Variants in RSRC1 observed in about 807,000 individuals in gnomAD.
RSRC1 encodes serine/Arginine-related protein 53.
A neutral mutation model predicts 49.1 loss-of-function variants in RSRC1; 39 were observed. The ratio of observed to expected loss-of-function variants is 0.79; its 90% confidence interval spans 0.61 to 1.04. RSRC1 has a LOEUF of 1.04. RSRC1 is among the 50% of genes least tolerant of loss of function. The pLI, the probability that RSRC1 is intolerant of heterozygous loss-of-function variation, is 0.00. For synonymous variants in RSRC1, 143 were observed against 130.8 expected (o/e 1.09, Z -0.63); for missense variants, 388 against 402.4 (o/e 0.96, Z 0.31).
chr3:158,163,165 G>C (rs1257150044), intron 3 of RSRC1, among the ~76,000 whole-genome samples: 1 of 152,028 alleles, frequency 6.6e-6, no homozygotes, highest in Non-Finnish European at 1.5e-5. Context: ...AGCATAGCTG[G>C]CTAATTTTTA....
intron 7 of RSRC1, among the ~76,000 whole-genome samples, chr3:158,503,658 C>T (rs1015008350): frequency 6.6e-6 from 1 of 152,002 alleles, no homozygotes; most frequent in Non-Finnish European, 1.5e-5. Context: ...CAGGTTGTTA[C>T]GGAAGTAGGG....
intron 7 of RSRC1, among the ~76,000 whole-genome samples, chr3:158,470,955 G>A (rs186709302): frequency 7.9e-4 from 120 of 152,280 alleles, no homozygotes; most frequent in Middle Eastern, 3.4e-3. Flanking sequence ...AGAAACTCAC[G>A]CAACAAGAAT....
intron 4 of RSRC1, among the ~76,000 whole-genome samples, chr3:158,229,645 ACT>A (rs1368767163): frequency 6.6e-6 from 1 of 151,292 alleles, no homozygotes; most frequent in African/African-American, 2.4e-5. Context: ...TATTTTTGAA[ACT>A]CTTTATTTGA....
chr3:158,526,074 G>C (rs1287662169), intron 7 of RSRC1, among the ~76,000 whole-genome samples: 2 of 151,948 alleles, frequency 1.3e-5, no homozygotes, highest in African/African-American at 4.8e-5. Flanking sequence ...GCAATTTGAA[G>C]TATTTGGTGG....
rs574054041 is a variant in RSRC1 at position 158,472,864 on chromosome 3, A to G, written c.652+11861A>G. ...TAGTTTAATTAGATCCCATTTGTCA[A>G]TTTTGGTTTTTGTTACCATTGCTTT... is the stretch of plus-strand genomic sequence containing the variant. On this transcript the variant is annotated intron_variant, in intron 7 of 9. Transcript: ENST00000611884. Among the ~76,000 whole-genome samples the G allele has an allele frequency of 3.3e-5, 5 of 152,234 alleles. No homozygotes were observed. The South Asian group carries it at 1.0e-3, about 32-fold the overall frequency.
intron 4 of RSRC1, among the ~76,000 whole-genome samples, chr3:158,227,715 C>T (rs569684776): frequency 2.0e-5 from 3 of 152,048 alleles, no homozygotes; most frequent in African/African-American, 7.2e-5. Flanking sequence ...TTTTCTAGAC[C>T]AGGGATCAGA....
chr3:158,231,828 T>A (rs1722980247), intron 4 of RSRC1, among the ~76,000 whole-genome samples: 1 of 152,130 alleles, frequency 6.6e-6, no homozygotes, highest in African/African-American at 2.4e-5. Context: ...CTTTGTTATT[T>A]CCCAAATCAT....
intron 7 of RSRC1, among the ~76,000 whole-genome samples, chr3:158,474,029 A>G (rs1738262194): frequency 6.6e-6 from 1 of 152,112 alleles, no homozygotes; most frequent in South Asian, 2.1e-4. Context: ...ATATTTCTTC[A>G]CAGCTTTGGT....
chr3:158,430,847 A>G (rs1474364869), intron 6 of RSRC1, among the ~76,000 whole-genome samples: 5 of 151,966 alleles, frequency 3.3e-5, no homozygotes, highest in African/African-American at 7.2e-5. Context: ...TATCACATCC[A>G]GTGTGGACTG....
At chr3:158,409,288 T>TA (rs1490809391) in intron 6 of RSRC1, among the ~76,000 whole-genome samples, 3 of 152,012 alleles carry the variant, frequency 2.0e-5, no homozygotes, top group Non-Finnish European at 4.4e-5. Flanking sequence ...CTTAAAAGTT[T>TA]AAAAAATGCT....
At chr3:158,442,551 C>G (rs1358658147) in intron 6 of RSRC1, among the ~76,000 whole-genome samples, 1 of 152,100 alleles carries the variant, frequency 6.6e-6, no homozygotes, top group Non-Finnish European at 1.5e-5. Flanking sequence ...TTACCACAAA[C>G]TGCAGTTACA....
chr3:158,212,869 T>A (rs1247344287), intron 4 of RSRC1, among the ~76,000 whole-genome samples: 1 of 151,966 alleles, frequency 6.6e-6, no homozygotes, highest in African/African-American at 2.4e-5. Context: ...ATCTTGAGTA[T>A]CCCTGATATG....
chr3:158,367,908 A>C (rs1731864127), intron 6 of RSRC1, among the ~76,000 whole-genome samples: 1 of 152,204 alleles, frequency 6.6e-6, no homozygotes, highest in Admixed American at 6.5e-5. Flanking sequence ...TTAATCCAAA[A>C]AGATAAAATT....
chr3:158,188,193 CCT>C (rs1343148824), intron 3 of RSRC1, among the ~76,000 whole-genome samples: 2 of 151,754 alleles, frequency 1.3e-5, no homozygotes, highest in Non-Finnish European at 2.9e-5. Flanking sequence ...TCTTTCTCCC[CCT>C]GTGTGATATT....
intron 4 of RSRC1, among the ~76,000 whole-genome samples, chr3:158,272,938 G>A (rs1421602625): frequency 2.6e-5 from 4 of 151,594 alleles, no homozygotes. Context: ...AGAATATATT[G>A]GAAACATTGT....
chr3:158,243,687 T>C (rs535724177), intron 4 of RSRC1, among the ~76,000 whole-genome samples: 1 of 152,312 alleles, frequency 6.6e-6, no homozygotes, highest in South Asian at 2.1e-4. Flanking sequence ...GGAGTGTTTT[T>C]CCATTTGTTT....
chr3:158,159,092 A>C (rs1370920355), intron 3 of RSRC1, among the ~76,000 whole-genome samples: 3 of 152,160 alleles, frequency 2.0e-5, no homozygotes, highest in Non-Finnish European at 4.4e-5. Flanking sequence ...TCTCTTGTCC[A>C]GTAAGGAACA....
At chr3:158,121,509 C>T (rs1435441785) in intron 1 of RSRC1, among the ~76,000 whole-genome samples, 1 of 152,056 alleles carries the variant, frequency 6.6e-6, no homozygotes, top group Admixed American at 6.6e-5. Context: ...ATTGTCTCCC[C>T]TGAGTTTCAC....
chr3:158,240,324 G>T (rs1723496630), intron 4 of RSRC1, among the ~76,000 whole-genome samples: 1 of 151,788 alleles, frequency 6.6e-6, no homozygotes, highest in Non-Finnish European at 1.5e-5. Flanking sequence ...TTCTTAGTTG[G>T]GGAAGGATTT....
Sources: gnomAD v4.1 joint callset for allele counts (sites outside exome capture counted in the v4.1 genomes callset) on GRCh38, gnomAD v4.1.1 for gene constraint, MANE v1.5 for transcripts, NCBI Gene and HGNC (gene_info 2026-07-23, HGNC 2026-07-21) for gene names.